The following UNC13C variants were observed in gnomAD, a reference collection of about 807,000 sequenced individuals.
UNC13C encodes the protein unc-13 homolog C, also known as protein unc-13 homolog C.
In UNC13C, 174 loss-of-function variants were observed where a neutral mutation model predicts 245.4. The observed-to-expected ratio is 0.71, with a 90% CI of 0.63 to 0.80. UNC13C has a LOEUF of 0.80. UNC13C is among the 30% of genes least tolerant of loss of function. The pLI is 0.00. For missense variants in UNC13C, 2,829 were observed against 2,602.9 expected (o/e 1.09, Z -1.89); for synonymous variants, 992 against 895.1 (o/e 1.11, Z -1.93).
chr15:54,268,475 C>T (rs1160030892), intron 10 of UNC13C, among the ~76,000 whole-genome samples: 1 of 152,054 alleles, frequency 6.6e-6, no homozygotes, highest in Non-Finnish European at 1.5e-5. Context: ...TGCTACTTTG[C>T]TTGCCTGGTA....
At chr15:54,566,029 G>A (rs1226562878) in intron 29 of UNC13C, among the ~76,000 whole-genome samples, 1 of 151,860 alleles carries the variant, frequency 6.6e-6, no homozygotes, top group African/African-American at 2.4e-5. Flanking sequence ...GCTTACCTGA[G>A]AAATATTAAG....
intron 4 of UNC13C, among the ~76,000 whole-genome samples, chr15:54,185,511 C>T (rs542644456): frequency 6.6e-6 from 1 of 150,988 alleles, no homozygotes; most frequent in Non-Finnish European, 1.5e-5. Flanking sequence ...TTCCCAGCAC[C>T]ATTTATTAAA....
At chr15:54,368,089 A>T (rs575131470) in intron 17 of UNC13C, among the ~76,000 whole-genome samples, 1 of 152,180 alleles carries the variant, frequency 6.6e-6, no homozygotes, top group South Asian at 2.1e-4. Flanking sequence ...TTTGCACTCA[A>T]GGACACCCCA....
chr15:53,842,415 A>C, the UNC13C span, among the ~76,000 whole-genome samples: 1 of 152,170 alleles, frequency 6.6e-6, no homozygotes. Context: ...CATGATGTTC[A>C]GATAGGGCTG....
At chr15:54,048,909 G>A (rs149707085) in intron 2 of UNC13C, 32 of 264,502 alleles carry the variant, frequency 1.2e-4, no homozygotes, top group African/African-American at 6.5e-4. Context: ...AACCATATTG[G>A]AATAATACCA....
chr15:54,409,629 T>G lies in UNC13C; in HGVS notation c.4848-5353T>G, dbSNP rs149500849. 5.8e-4 allele frequency among the ~76,000 whole-genome samples: 88 copies of G among 152,336 alleles called. 1 individual carries two copies. In the East Asian group the frequency reaches 0.017, roughly 29 times the overall value. On this transcript the variant is annotated intron_variant, in intron 18 of 32. Coordinates refer to ENST00000260323, the MANE Select transcript of UNC13C (RefSeq NM_001080534.3). The stretch of plus-strand genomic sequence containing the variant: ...CCCACTTATAAGTGAGAACATCTGA[T>G]ATTTAATTTGTGTTCCTGAGTTAAT...
At chr15:53,845,649 T>TTATGTGTTG in the UNC13C span, among the ~76,000 whole-genome samples, 1 of 152,208 alleles carries the variant, frequency 6.6e-6, no homozygotes, top group African/African-American at 2.4e-5. Context: ...TACTTATTAA[T>TTATGTGTTG]TATGTGTTGT....
At chr15:53,899,307 GA>G in the UNC13C span, among the ~76,000 whole-genome samples, 1 of 152,188 alleles carries the variant, frequency 6.6e-6, no homozygotes, top group Non-Finnish European at 1.5e-5. Flanking sequence ...AGAATTGCAA[GA>G]ATCTGTTGAC....
At chr15:54,313,425 C>T (rs1203826865) in intron 13 of UNC13C, among the ~76,000 whole-genome samples, 1 of 151,730 alleles carries the variant, frequency 6.6e-6, no homozygotes, top group East Asian at 1.9e-4. Context: ...AAACACTGTG[C>T]TAAATATGGG....
chr15:53,889,378 C>T, the UNC13C span, among the ~76,000 whole-genome samples: 1 of 152,140 alleles, frequency 6.6e-6, no homozygotes, highest in African/African-American at 2.4e-5. Context: ...TATAGGAATG[C>T]TTGTGATTTT....
chr15:54,096,999 T>C (rs1352687369), intron 2 of UNC13C, among the ~76,000 whole-genome samples: 1 of 152,176 alleles, frequency 6.6e-6, no homozygotes, highest in Non-Finnish European at 1.5e-5. Context: ...TTCCCATATA[T>C]TTCTGAAGTA....
chr15:54,180,062 G>A (rs2033747229), intron 4 of UNC13C, among the ~76,000 whole-genome samples: 1 of 151,968 alleles, frequency 6.6e-6, no homozygotes, highest in Non-Finnish European at 1.5e-5. Context: ...TTCGTTACCT[G>A]GGTATATTAT....
At chr15:54,048,918 C>A in intron 2 of UNC13C, 1 of 271,700 alleles carries the variant, frequency 3.7e-6, no homozygotes, top group Admixed American at 5.2e-5. Context: ...GGAATAATAC[C>A]ACACTGTAAA....
chr15:54,594,267 T>C (rs1239924919), intron 30 of UNC13C, among the ~76,000 whole-genome samples: 2 of 152,134 alleles, frequency 1.3e-5, no homozygotes, highest in African/African-American at 4.8e-5. Flanking sequence ...CTCTTAGCTT[T>C]GGTGGCTGAA....
chr15:54,481,387 T>C (rs903673974), intron 19 of UNC13C, among the ~76,000 whole-genome samples: 1 of 152,092 alleles, frequency 6.6e-6, no homozygotes, highest in African/African-American at 2.4e-5. Context: ...GGGTGCAGAC[T>C]GCAAGAAAGA....
At chr15:54,164,561 C>CT (rs2033098650) in intron 4 of UNC13C, among the ~76,000 whole-genome samples, 1 of 152,124 alleles carries the variant, frequency 6.6e-6, no homozygotes, top group Middle Eastern at 3.2e-3. Context: ...GAACATGAGC[C>CT]TTACATCTAG....
intron 19 of UNC13C, among the ~76,000 whole-genome samples, chr15:54,448,447 T>G (rs1890960297): frequency 6.6e-6 from 1 of 152,200 alleles, no homozygotes; most frequent in Admixed American, 6.5e-5. Context: ...CCTTTATGAA[T>G]CTGGGTGCTC....
At chr15:53,857,028 C>T in the UNC13C span, among the ~76,000 whole-genome samples, 3 of 152,188 alleles carry the variant, frequency 2.0e-5, no homozygotes, top group South Asian at 6.2e-4. Flanking sequence ...TTCACCCTCA[C>T]CTCGTGATCT....
Position 54,300,213 on chromosome 15 carries a change from C to G in UNC13C, c.4108C>G (p.Leu1370Val). 6.3e-7 allele frequency: 1 copy of G among 1,597,930 alleles called. No homozygotes were observed. Among genetic ancestry groups the G allele is most frequent in the South Asian group, 1.1e-5 (1 of 88,070 alleles). Residue 1370 changes from leucine (L) to valine (V), a missense_variant, in exon 13 of 33, where the codon CTG becomes GTG. Coordinates refer to ENST00000260323, the MANE Select transcript of UNC13C (RefSeq NM_001080534.3). ...HIQYTCLHEN[L>V]FHYLTEVKSN... is the part of the protein sequence containing the mutation. ...ATTAAAAACCACTTGCTTTTAGAATCTGTTCCATTACTTGACTGAAGTGAA... is the reference window on the plus strand; with the variant it reads ...ATTAAAAACCACTTGCTTTTAGAATGTGTTCCATTACTTGACTGAAGTGAA...
Sources: gnomAD v4.1 joint callset for allele counts (sites outside exome capture counted in the v4.1 genomes callset) on GRCh38, gnomAD v4.1.1 for gene constraint, MANE v1.5 for transcripts, NCBI Gene and HGNC (gene_info 2026-07-23, HGNC 2026-07-21) for gene names.